Variants in PLSCR2 observed in about 807,000 individuals in gnomAD.
The protein encoded by PLSCR2 is phospholipid scramblase 2.
PLSCR2 carries 18 observed loss-of-function variants against 25.3 expected under a neutral mutation model. The observed-to-expected ratio is 0.71, with a 90% CI of 0.49 to 1.06. PLSCR2 has a LOEUF of 1.06. Ranked by LOEUF, PLSCR2 falls within the 50% of genes least tolerant of loss-of-function variation. The pLI is 0.00. For synonymous variants in PLSCR2, 88 were observed against 87.3 expected, an observed-to-expected ratio of 1.01 and a Z score of -0.04; for missense variants, 243 against 269.5, an observed-to-expected ratio of 0.90 and a Z score of 0.69.
chr3:146,453,424 G>A (rs771414386), intron 5 of PLSCR2, among the ~76,000 whole-genome samples: 3 of 152,094 alleles, frequency 2.0e-5, no homozygotes, highest in Non-Finnish European at 4.4e-5. Flanking sequence ...GAGAACTGCT[G>A]TAATGAAATT....
chr3:146,476,826 G>A lies in PLSCR2; in HGVS notation c.-292-16542C>T, dbSNP rs58823092. Among the ~76,000 whole-genome samples the A allele has an allele frequency of 5.9e-3, 904 of 152,344 alleles. 9 individuals carry two copies. Among genetic ancestry groups the A allele is most frequent in the African/African-American group, 0.021 (863 of 41,588 alleles). ...CCCTGCAAAAACTTCAGCCACTCCA[G>A]CAAGGGGCTTAGGGCCAAAATTCTG... On this transcript the variant is annotated intron_variant, in intron 1 of 8. Coordinates refer to the PLSCR2 transcript ENST00000336685.
Position 146,404,044 on chromosome 3 carries a change from A to T in PLSCR2, c.101-8123T>A, listed in dbSNP as rs1170194970. Among the ~76,000 whole-genome samples the T allele has an allele frequency of 2.0e-5, 3 of 152,164 alleles. No individual in the cohort carries two copies. In the East Asian group the frequency reaches 5.8e-4, roughly 30 times the overall value. Reference sequence around the variant, plus strand: ...CCACTCACCCCGTCACTCTCTTTAAACTAGTCAATTGGAATTAGTTTAGCC... The same window carrying T: ...CCACTCACCCCGTCACTCTCTTTAATCTAGTCAATTGGAATTAGTTTAGCC... On this transcript the variant is annotated intron_variant and NMD_transcript_variant, in intron 2 of 3. Coordinates refer to the PLSCR2 transcript ENST00000463633.
At chr3:146,483,272 G>C (rs546865821) in intron 1 of PLSCR2, among the ~76,000 whole-genome samples, 4 of 133,046 alleles carry the variant, frequency 3.0e-5, no homozygotes, top group African/African-American at 1.2e-4. Flanking sequence ...AACAATGAAC[G>C]TGGTGAACGG....
chr3:146,486,110 T>C (rs2108557002), intron 1 of PLSCR2, among the ~76,000 whole-genome samples: 1 of 152,176 alleles, frequency 6.6e-6, no homozygotes, highest in South Asian at 2.1e-4. Context: ...AGAAGTTATT[T>C]GAAACCAATG....
chr3:146,439,483 C>T (rs2040101584), downstream of PLSCR2, among the ~76,000 whole-genome samples: 1 of 152,224 alleles, frequency 6.6e-6, no homozygotes, highest in South Asian at 2.1e-4. Context: ...TCTTTTTGCT[C>T]TTTTTCTCTA....
intron 1 of PLSCR2, among the ~76,000 whole-genome samples, chr3:146,493,177 C>G (rs759558161): frequency 3.9e-5 from 6 of 151,992 alleles, no homozygotes; most frequent in African/African-American, 1.4e-4. Flanking sequence ...AACCTACCAA[C>G]AAGAAAAAGC....
At chr3:146,432,827 T>G (rs2039598982), downstream of PLSCR2, among the ~76,000 whole-genome samples, 1 of 152,200 alleles carries the variant, frequency 6.6e-6, no homozygotes, top group African/African-American at 2.4e-5. Flanking sequence ...TGTAATAATG[T>G]TTTTTGAAAA....
chr3:146,490,533 TG>T (rs1455180176), intron 1 of PLSCR2, among the ~76,000 whole-genome samples: 2 of 152,198 alleles, frequency 1.3e-5, no homozygotes, highest in African/African-American at 4.8e-5. Context: ...TTTATGAATC[TG>T]GGTGTTCCAG....
At chr3:146,423,692 C>T (rs778527884) in intron 2 of PLSCR2, among the ~76,000 whole-genome samples, 26 of 151,976 alleles carry the variant, frequency 1.7e-4, no homozygotes, top group African/African-American at 3.9e-4. Flanking sequence ...GGTGGACCAA[C>T]GTAATTCCAA....
At chr3:146,473,002 C>A (rs368985477) in intron 1 of PLSCR2, among the ~76,000 whole-genome samples, 1 of 152,150 alleles carries the variant, frequency 6.6e-6, no homozygotes, top group African/African-American at 2.4e-5. Flanking sequence ...ACACTGATCC[C>A]ATCATAGAAT....
At chr3:146,446,858 C>A (rs922838902) in intron 6 of PLSCR2, among the ~76,000 whole-genome samples, 1 of 152,074 alleles carries the variant, frequency 6.6e-6, no homozygotes, top group African/African-American at 2.4e-5. Flanking sequence ...GAGCTAGAAC[C>A]CAAGTTGCAA....
rs1204935674 is a variant in PLSCR2, at chr3:146,459,654, T to C, written c.57+194A>G. Among the ~76,000 whole-genome samples, 5 of 152,366 alleles carry C rather than the reference T, an allele frequency of 3.3e-5. No individual in the cohort carries two copies. In the South Asian group the frequency reaches 6.2e-4, roughly 19 times the overall value. On this transcript the variant is annotated intron_variant, in intron 2 of 6. Coordinates refer to ENST00000610787, the Ensembl canonical transcript of PLSCR2. The stretch of plus-strand genomic sequence containing the variant: ...AGAAAACAATCACCTGTGACATTCA[T>C]ATTTTGATTTAACAATGAATCGAAC...
chr3:146,493,131 C>G (rs894378018), intron 1 of PLSCR2, among the ~76,000 whole-genome samples: 2 of 151,960 alleles, frequency 1.3e-5, no homozygotes, highest in Non-Finnish European at 2.9e-5. Context: ...CCTGAACAGA[C>G]CAAAAACAAG....
At chr3:146,393,180 C>G (rs2038149739) in intron 3 of PLSCR2, among the ~76,000 whole-genome samples, 1 of 135,178 alleles carries the variant, frequency 7.4e-6, no homozygotes, top group South Asian at 3.1e-4. Context: ...AGGCGCCCAC[C>G]ACCACGCCCA....
chr3:146,462,578 G>C (rs2041657183), upstream of PLSCR2, among the ~76,000 whole-genome samples: 1 of 151,148 alleles, frequency 6.6e-6, no homozygotes, highest in African/African-American at 2.4e-5. Flanking sequence ...CGATTCTCGT[G>C]CCTCAGCCTC....
intron 2 of PLSCR2, among the ~76,000 whole-genome samples, chr3:146,410,708 C>T (rs976911423): frequency 2.6e-5 from 4 of 152,190 alleles, no homozygotes; most frequent in Non-Finnish European, 4.4e-5. Context: ...CAATAGACAC[C>T]GAACAAAACA....
At chr3:146,404,639 A>C (rs572595553) in intron 2 of PLSCR2, among the ~76,000 whole-genome samples, 1 of 152,310 alleles carries the variant, frequency 6.6e-6, no homozygotes, top group South Asian at 2.1e-4. Flanking sequence ...TTAAAAGGTC[A>C]ACATCTAGAG....
intron 6 of PLSCR2, among the ~76,000 whole-genome samples, chr3:146,445,832 T>C (rs1028486288): frequency 1.4e-4 from 22 of 152,042 alleles, no homozygotes; most frequent in African/African-American, 5.1e-4. Flanking sequence ...AGCTTCATTG[T>C]TTTTTATTTT....
chr3:146,441,482 A>C (rs1267528731), downstream of PLSCR2, among the ~76,000 whole-genome samples: 1 of 151,984 alleles, frequency 6.6e-6, no homozygotes, highest in African/African-American at 2.4e-5. Flanking sequence ...GTAGTCTTTC[A>C]AAGGAAGTTT....
Sources: allele counts gnomAD v4.1 joint callset (sites outside exome capture counted in the v4.1 genomes callset), GRCh38; gene constraint gnomAD v4.1.1; transcripts MANE v1.5; gene names NCBI Gene and HGNC (gene_info 2026-07-23, HGNC 2026-07-21).